The following ITGB3BP variants were observed in gnomAD, a reference collection of about 807,000 sequenced individuals.
ITGB3BP encodes the protein centromere protein R.
A neutral mutation model predicts 29.1 loss-of-function variants in ITGB3BP; 27 were observed. The ratio of observed to expected loss-of-function variants is 0.93; its 90% CI spans 0.68 to 1.28. The LOEUF (loss-of-function observed/expected upper bound fraction) is 1.28, where lower values mean the gene tolerates loss of function less well. Ranked by LOEUF, ITGB3BP falls within the 50% of genes most tolerant of loss-of-function variation. ITGB3BP has a pLI of 0.00. For synonymous variants in ITGB3BP, 61 were observed against 61.4 expected, an observed-to-expected ratio of 0.99 and a Z score of 0.03; for missense variants, 192 against 200.2, an observed-to-expected ratio of 0.96 and a Z score of 0.25.
intron 4 of ITGB3BP, 71 bp downstream of exon 4, chr1:63,478,693 C>A (rs552425191): frequency 1.4e-6 from 1 of 721,934 alleles, no homozygotes. Context: ...TGCTTTTAAA[C>A]GGTCACTTTA....
chr1:63,478,229 A>C (rs1645375058), intron 4 of ITGB3BP, among the ~76,000 whole-genome samples: 1 of 152,238 alleles, frequency 6.6e-6, no homozygotes, highest in African/African-American at 2.4e-5. Context: ...AATGTGTAAT[A>C]CACAGACATG....
At chr1:63,486,830 A>C (rs1012626789) in intron 3 of ITGB3BP, among the ~76,000 whole-genome samples, 1 of 152,016 alleles carries the variant, frequency 6.6e-6, no homozygotes, top group African/African-American at 2.4e-5. Context: ...TGCAATACAC[A>C]ATTTACTTGA....
chr1:63,455,656 C>T (rs922784404), intron 4 of ITGB3BP, among the ~76,000 whole-genome samples: 1 of 152,018 alleles, frequency 6.6e-6, no homozygotes, highest in Non-Finnish European at 1.5e-5. Context: ...TGGGGGGCCA[C>T]ATATTGAAGG....
chr1:63,483,969 A>C (rs79782249), intron 3 of ITGB3BP, among the ~76,000 whole-genome samples: 2,747 of 152,276 alleles, frequency 0.018, 77 homozygotes, highest in African/African-American at 0.063. Flanking sequence ...CAAAATCACC[A>C]AACAATGCTT....
intron 3 of ITGB3BP, among the ~76,000 whole-genome samples, chr1:63,482,350 A>C (rs1199332597): frequency 6.6e-6 from 1 of 151,040 alleles, no homozygotes; most frequent in East Asian, 2.0e-4. Flanking sequence ...CTAGGTACCC[A>C]TACTTTATAG....
chr1:63,508,721 C>T lies in ITGB3BP; in HGVS notation c.6-151G>A, dbSNP rs188165417. On this transcript the variant is annotated intron_variant, in intron 1 of 8. Coordinates refer to ENST00000271002, the MANE Select transcript of ITGB3BP (RefSeq NM_014288.5). ...AAAGCAGAATACCATATGAAGAAAGCAATTATTTATGATGACAGGTTTGAT... is the reference window on the plus strand; with the variant it reads ...AAAGCAGAATACCATATGAAGAAAGTAATTATTTATGATGACAGGTTTGAT... 1.0e-3 allele frequency: 490 copies of T among 471,204 alleles called. 9 individuals carry two copies. The East Asian group carries it at 0.017, about 16-fold the overall frequency. The allele number at this position is 471,204 out of a possible 1,614,324, so 29.2% of individuals were successfully genotyped here. A position where few individuals can be genotyped will look rare whatever the true frequency, so the allele number is the denominator to read the frequency against.
chr1:63,466,517 TCACGTGCACCAGA>T (rs1645102661), intron 4 of ITGB3BP, among the ~76,000 whole-genome samples: 1 of 152,250 alleles, frequency 6.6e-6, no homozygotes, highest in African/African-American at 2.4e-5. Flanking sequence ...GTACGTTTCA[TCACGTGCACCAGA>T]CATATCTACA....
At chr1:63,469,284 T>A (rs1017067579) in intron 4 of ITGB3BP, among the ~76,000 whole-genome samples, 1 of 152,048 alleles carries the variant, frequency 6.6e-6, no homozygotes, top group African/African-American at 2.4e-5. Context: ...GATGAAGATA[T>A]CTCCTTTACT....
upstream of ITGB3BP, chr1:63,523,473 C>G: frequency 2.5e-6 from 1 of 395,722 alleles, no homozygotes; most frequent in Non-Finnish European, 4.7e-6. Context: ...GATTTCTAGC[C>G]GGATCGTTTG....
chr1:63,468,816 G>A (rs768113283), intron 4 of ITGB3BP, among the ~76,000 whole-genome samples: 6 of 151,848 alleles, frequency 4.0e-5, no homozygotes, highest in Non-Finnish European at 8.8e-5. Flanking sequence ...AGCAGAGATC[G>A]TGCCATTGCA....
chr1:63,466,460 A>G (rs775365021), intron 4 of ITGB3BP, among the ~76,000 whole-genome samples: 1 of 152,228 alleles, frequency 6.6e-6, no homozygotes, highest in Non-Finnish European at 1.5e-5. Context: ...AAACCCAGTC[A>G]CTTGAAAGTT....
Position 63,523,150 on chromosome 1 carries a change from G to A in ITGB3BP, c.-17C>T, listed in dbSNP as rs777078059. 3 of 1,614,086 alleles carry A rather than the reference G, an allele frequency of 1.9e-6. No homozygotes were observed. Among genetic ancestry groups the A allele is most frequent in the Non-Finnish European group, 2.5e-6 (3 of 1,180,016 alleles). ...CTACGGCATTCTGAGATTCGGGAAA[G>A]CACCACTGCCGCTGAATAAAACGAA... On this transcript the variant is annotated 5_prime_UTR_variant, in exon 1 of 9. Coordinates refer to ENST00000271002, the MANE Select transcript of ITGB3BP (RefSeq NM_014288.5).
chr1:63,488,002 G>C (rs148115684), intron 3 of ITGB3BP, among the ~76,000 whole-genome samples: 1 of 152,082 alleles, frequency 6.6e-6, no homozygotes, highest in Non-Finnish European at 1.5e-5. Context: ...CTGCATGAAC[G>C]CATCTGTTAA....
At chr1:63,478,909 C>A in intron 3 of ITGB3BP, 76 bp from the exon 4 acceptor site, 2 of 512,684 alleles carry the variant, frequency 3.9e-6, no homozygotes, top group South Asian at 8.6e-5. Flanking sequence ...TTTAGTTTGT[C>A]AAATTTTAAA....
chr1:63,504,883 C>T (rs1168423599), intron 2 of ITGB3BP, among the ~76,000 whole-genome samples: 3 of 152,140 alleles, frequency 2.0e-5, no homozygotes, highest in Non-Finnish European at 2.9e-5. Context: ...GGTGGATAAG[C>T]TTTTTGATGT....
intron 3 of ITGB3BP, among the ~76,000 whole-genome samples, chr1:63,486,295 C>A (rs1645528724): frequency 6.6e-6 from 1 of 151,942 alleles, no homozygotes; most frequent in South Asian, 2.1e-4. Flanking sequence ...TCTCTTTCTT[C>A]TTTTCTAAAA....
chr1:63,443,850 C>T (rs1644757739), intron 8 of ITGB3BP, among the ~76,000 whole-genome samples: 1 of 150,298 alleles, frequency 6.7e-6, no homozygotes, highest in Non-Finnish European at 1.5e-5. Flanking sequence ...AGAAAAACAT[C>T]TTTGGAGGGG....
intron 1 of ITGB3BP, among the ~76,000 whole-genome samples, chr1:63,521,129 CATTT>C (rs1476137477): frequency 1.3e-5 from 2 of 152,062 alleles, no homozygotes; most frequent in Non-Finnish European, 2.9e-5. Flanking sequence ...TTATATTACA[CATTT>C]AGTCTTCCAA....
intron 4 of ITGB3BP, among the ~76,000 whole-genome samples, chr1:63,462,132 T>C (rs1038696402): frequency 2.0e-5 from 3 of 152,230 alleles, no homozygotes. Context: ...TTTCCTTTTA[T>C]TTAGATCTTC....
Sources: allele counts gnomAD v4.1 joint callset (sites outside exome capture counted in the v4.1 genomes callset), GRCh38; gene constraint gnomAD v4.1.1; transcripts MANE v1.5; gene names NCBI Gene and HGNC (gene_info 2026-07-23, HGNC 2026-07-21).